Variants in UGT1A4 observed in about 807,000 individuals in gnomAD.
The protein encoded by UGT1A4 is UDP-glucuronosyltransferase 1A4.
Under a neutral mutation model 41.1 loss-of-function variants are expected in UGT1A4, and 32 were observed. That is an observed-to-expected ratio of 0.78 (90% CI 0.59 to 1.05). UGT1A4 has a LOEUF of 1.05. Among genes scored for constraint, UGT1A4 ranks in the 50% least tolerant of loss-of-function variants. The probability of loss-of-function intolerance (pLI) is 0.00; values close to 1 mark genes in which losing one functional copy is unlikely to be tolerated. For synonymous variants in UGT1A4, 283 were observed against 265.1 expected (o/e 1.07, Z -0.66); for missense variants, 748 against 677.4 (o/e 1.10, Z -1.16).
chr2:233,757,874 A>G (rs1242256383), intron 1 of UGT1A4, among the ~76,000 whole-genome samples: 10 of 152,078 alleles, frequency 6.6e-5, no homozygotes, highest in Admixed American at 5.9e-4. Flanking sequence ...AAGTAGCTTC[A>G]AAAGGGTTCC....
Position 233,719,666 on chromosome 2 carries a change from C to CA in UGT1A4, c.848dup (p.Asn283LysfsTer10). 22 of 1,614,092 alleles carry CA rather than the reference C, an allele frequency of 1.4e-5. No individual in the cohort carries two copies. The highest frequency in any genetic ancestry group is 1.9e-5 in the Non-Finnish European group (22 of 1,179,960). On this transcript the variant is annotated frameshift_variant, in exon 1 of 5. Coordinates refer to ENST00000373409, the MANE Select transcript of UGT1A4 (RefSeq NM_007120.3). LOFTEE classifies it high-confidence loss of function. ...TCTTCATTGGGGGCATCAACTGTGC[C>CA]AACGGGAAGCCACTATCTCAGGTCT...
intron 1 of UGT1A4, 51 bp downstream of exon 1, chr2:233,719,738 A>T (rs1455420769): frequency 1.7e-5 from 27 of 1,613,220 alleles, no homozygotes; most frequent in Non-Finnish European, 2.2e-5. Flanking sequence ...AACACTTTTT[A>T]AAAAATGTAT....
chr2:233,768,054 A>T (rs1384127703), intron 3 of UGT1A4, 118 bp downstream of exon 3: 6 of 1,603,138 alleles, frequency 3.7e-6, no homozygotes, highest in Non-Finnish European at 5.1e-6. Context: ...CATATCCTAC[A>T]TTGCTTTTTA....
intron 1 of UGT1A4, among the ~76,000 whole-genome samples, chr2:233,738,477 G>C (rs971989724): frequency 6.6e-6 from 1 of 152,224 alleles, no homozygotes; most frequent in African/African-American, 2.4e-5. Context: ...GAACTTCCTG[G>C]AGACTTGTTG....
chr2:233,719,813 A>T, intron 1 of UGT1A4, 126 bp downstream of exon 1: 2 of 1,586,286 alleles, frequency 1.3e-6, no homozygotes, highest in Non-Finnish European at 1.7e-6. Flanking sequence ...TCTTTATAAC[A>T]GATAAACTGT....
chr2:233,768,682 G>A (rs375377866), intron 4 of UGT1A4, among the ~76,000 whole-genome samples: 30 of 141,324 alleles, frequency 2.1e-4, no homozygotes, highest in South Asian at 1.6e-3. Flanking sequence ...CACCTCCCAC[G>A]TTCAAGCAGT....
rs755101119 is a variant in UGT1A4 at position 233,718,884 on chromosome 2, G to T, written c.64G>T (p.Val22Phe). ...LATGLLLLLSVQPWAESGKVL... is the reference protein window; with the variant it reads ...LATGLLLLLSFQPWAESGKVL... Reference sequence around the variant, plus strand: ...CACAGGACTGCTGCTCCTCCTCAGTGTCCAGCCCTGGGCTGAGAGTGGAAA... The same window carrying T: ...CACAGGACTGCTGCTCCTCCTCAGTTTCCAGCCCTGGGCTGAGAGTGGAAA... The change falls in exon 1 of 5, where the codon GTC becomes TTC. Residue 22 changes from valine to phenylalanine, a missense_variant. Coordinates refer to ENST00000373409, the MANE Select transcript of UGT1A4 (RefSeq NM_007120.3). 2.7e-5 allele frequency: 44 copies of T among 1,614,026 alleles called. No individual in the cohort carries two copies. Among genetic ancestry groups the T allele is most frequent in the Non-Finnish European group, 3.6e-5 (43 of 1,179,930 alleles).
chr2:233,738,550 A>G (rs1046913634), intron 1 of UGT1A4, among the ~76,000 whole-genome samples: 1 of 152,224 alleles, frequency 6.6e-6, no homozygotes, highest in African/African-American at 2.4e-5. Flanking sequence ...AGTCTCAGAT[A>G]GAGATGAGGA....
Position 233,738,670 on chromosome 2 carries a change from T to C in UGT1A4, c.867+18983T>C, listed in dbSNP as rs377285735. 5.3e-5 allele frequency among the ~76,000 whole-genome samples: 8 copies of C among 152,304 alleles called. No homozygotes were observed. The East Asian group carries it at 7.7e-4, about 15-fold the overall frequency. On this transcript the variant is annotated intron_variant, in intron 1 of 4. Transcript: ENST00000373409. ...TTTGGAACTACGAACTTGAGAGAGA[T>C]GATCTGAAATTGGAACTTATGTTTA...
chr2:233,731,043 C>T (rs765332681), intron 1 of UGT1A4, among the ~76,000 whole-genome samples: 13 of 152,202 alleles, frequency 8.5e-5, no homozygotes, highest in East Asian at 1.9e-4. Context: ...TCATATTCAC[C>T]GAATGTGTAT....
intron 1 of UGT1A4, among the ~76,000 whole-genome samples, chr2:233,726,343 G>T (rs1236966840): frequency 5.3e-5 from 8 of 152,068 alleles, no homozygotes; most frequent in Non-Finnish European, 7.4e-5. Context: ...GTGGTTTTTT[G>T]ATTTATTTAT....
chr2:233,759,397 G>A (rs1263018819), intron 1 of UGT1A4, among the ~76,000 whole-genome samples: 10 of 152,128 alleles, frequency 6.6e-5, no homozygotes, highest in East Asian at 5.8e-4. Context: ...CAGAGTAACC[G>A]TGTGACCTGT....
rs942843599 is a variant in UGT1A4, at chr2:233,747,037, A to G, written c.868-19997A>G. Among the ~76,000 whole-genome samples the G allele has an allele frequency of 1.1e-4, 16 of 151,986 alleles. 1 individual carries two copies. Among genetic ancestry groups the G allele is most frequent in the African/African-American group, 3.9e-4 (16 of 41,218 alleles). ...ATCGGTCTTTCCCGAAGTGGGACCC[A>G]TAATGAAAGACAATGATTGGTTAAT... is the stretch of plus-strand genomic sequence containing the variant. On this transcript the variant is annotated intron_variant, in intron 1 of 4. Transcript: ENST00000373409.
At chr2:233,756,094 T>C (rs908379674) in intron 1 of UGT1A4, 2 of 152,220 alleles carry the variant, frequency 1.3e-5, no homozygotes, top group African/African-American at 4.8e-5. Flanking sequence ...CAAGTAACAT[T>C]ATTACGGAAA....
At chr2:233,762,564 C>T (rs537495402) in intron 1 of UGT1A4, among the ~76,000 whole-genome samples, 6 of 152,312 alleles carry the variant, frequency 3.9e-5, no homozygotes, top group African/African-American at 1.4e-4. Context: ...GAGATCTAGT[C>T]TAGTTCCCCA....
chr2:233,766,968 C>G, intron 1 of UGT1A4, 66 bp from the exon 2 acceptor site: 2 of 1,609,596 alleles, frequency 1.2e-6, no homozygotes, highest in Non-Finnish European at 1.7e-6. Context: ...TAATTCATAA[C>G]TTACTGTATG....
chr2:233,766,617 A>C lies in UGT1A4; in HGVS notation c.868-417A>C, dbSNP rs34737611. Reference sequence around the variant, plus strand: ...CCAGGGACCACACCCTCTTCTACCCAGCACTTCCCTTCCCTACTTCCATAT... The same window carrying C: ...CCAGGGACCACACCCTCTTCTACCCCGCACTTCCCTTCCCTACTTCCATAT... On this transcript the variant is annotated intron_variant, in intron 1 of 4. Transcript: ENST00000373409. Among the ~76,000 whole-genome samples, 23 of 152,284 alleles carry C rather than the reference A, an allele frequency of 1.5e-4. No individual in the cohort carries two copies. In the East Asian group the frequency reaches 4.3e-3, roughly 28 times the overall value.
Position 233,772,387 on chromosome 2 carries a change from C to A in UGT1A4, c.1433C>A (p.Ala478Glu). 1.2e-6 allele frequency: 2 copies of A among 1,614,274 alleles called. No individual in the cohort carries two copies. Among genetic ancestry groups the A allele is most frequent in the Non-Finnish European group, 1.7e-6 (2 of 1,180,048 alleles). ...AAGGGCGCGCCACACCTGCGCCCCG[C>A]AGCCCACGACCTCACCTGGTACCAG... ...RHKGAPHLRP[A>E]AHDLTWYQYH... is the part of the protein sequence containing the mutation. Residue 478 changes from alanine to glutamate, a missense_variant, in exon 5 of 5, where the codon GCA (alanine) becomes GAA (glutamate). Transcript: ENST00000373409.
At position 233,767,112 on chromosome 2, in the gene UGT1A4, C is replaced by G; in HGVS notation, c.946C>G (p.Pro316Ala). Residue 316 changes from proline (P) to alanine (A), a missense_variant, in exon 2 of 5, where the codon CCA (proline) becomes GCA (alanine). Coordinates refer to ENST00000373409, the MANE Select transcript of UGT1A4 (RefSeq NM_007120.3). The part of the protein sequence containing the change: ...FSLGSMVSEI[P>A]EKKAMAIADA... ...TTTGGGATCAATGGTCTCAGAAATT[C>G]CAGAGAAGAAAGCTATGGCAATTGC... 6.2e-7 allele frequency: 1 copy of G among 1,614,080 alleles called. No homozygotes were observed. The highest frequency in any genetic ancestry group is 8.5e-7 in the Non-Finnish European group (1 of 1,180,008).
Sources: gnomAD v4.1 joint callset for allele counts (sites outside exome capture counted in the v4.1 genomes callset) on GRCh38, gnomAD v4.1.1 for gene constraint, MANE v1.5 for transcripts, NCBI Gene and HGNC (gene_info 2026-07-23, HGNC 2026-07-21) for gene names.